The following RPS6KC1 variants were observed in gnomAD, a reference collection of about 807,000 sequenced individuals.
RPS6KC1 encodes the protein inactive ribosomal protein S6 kinase delta-1.
In RPS6KC1, 54 loss-of-function variants were observed where a neutral mutation model predicts 103.8. The observed-to-expected ratio is 0.52, with a 90% CI of 0.42 to 0.65. The LOEUF is 0.65. Ranked by LOEUF, RPS6KC1 falls within the 30% of genes least tolerant of loss-of-function variation. The probability of loss-of-function intolerance (pLI) is 0.00; values close to 1 mark genes in which losing one functional copy is unlikely to be tolerated. For missense variants in RPS6KC1, 1,151 were observed against 1,253.8 expected (o/e 0.92, Z 1.24); for synonymous variants, 439 against 438.7 (o/e 1.00, Z -0.01).
chr1:213,744,572 T>C, the RPS6KC1 span, among the ~76,000 whole-genome samples: 1 of 152,218 alleles, frequency 6.6e-6, no homozygotes, highest in African/African-American at 2.4e-5. Context: ...TTGTTATTCC[T>C]TAGTTTCTTT....
At chr1:213,338,105 C>G in the RPS6KC1 span, among the ~76,000 whole-genome samples, 1 of 152,146 alleles carries the variant, frequency 6.6e-6, no homozygotes. Context: ...TTCCTAAGTT[C>G]TTGGGAAATG....
chr1:213,330,653 C>A, the RPS6KC1 span, among the ~76,000 whole-genome samples: 2 of 152,104 alleles, frequency 1.3e-5, no homozygotes, highest in African/African-American at 4.8e-5. Flanking sequence ...AGAAAACCAC[C>A]CTGCGCCCCT....
At chr1:213,678,241 C>A in the RPS6KC1 span, among the ~76,000 whole-genome samples, 6 of 152,156 alleles carry the variant, frequency 3.9e-5, no homozygotes, top group Non-Finnish European at 7.4e-5. Flanking sequence ...GAAACCCTTG[C>A]AAAATAACTT....
At chr1:213,284,306 G>T in the RPS6KC1 span, among the ~76,000 whole-genome samples, 1 of 152,244 alleles carries the variant, frequency 6.6e-6, no homozygotes, top group Non-Finnish European at 1.5e-5. Flanking sequence ...TGCTTTGGCC[G>T]GGAGTTTGAG....
the RPS6KC1 span, among the ~76,000 whole-genome samples, chr1:213,512,174 GA>G: frequency 6.6e-6 from 1 of 152,206 alleles, no homozygotes; most frequent in African/African-American, 2.4e-5. Context: ...GATTTTTGAA[GA>G]GTCTGTCTTA....
the RPS6KC1 span, among the ~76,000 whole-genome samples, chr1:213,686,074 T>C: frequency 6.6e-6 from 1 of 151,946 alleles, no homozygotes; most frequent in Non-Finnish European, 1.5e-5. Flanking sequence ...GACTAGGGAG[T>C]GTCTACCATC....
At chr1:213,111,922 A>G (rs944258765) in intron 4 of RPS6KC1, among the ~76,000 whole-genome samples, 1 of 152,242 alleles carries the variant, frequency 6.6e-6, no homozygotes, top group African/African-American at 2.4e-5. Context: ...TAATCTGAAT[A>G]TTGTAATAAA....
At chr1:213,728,937 GTTTTTTTTTTGTTTT>G in the RPS6KC1 span, among the ~76,000 whole-genome samples, 30 of 93,436 alleles carry the variant, frequency 3.2e-4, no homozygotes, top group Middle Eastern at 0.011. Context: ...GAACATGAGG[GTTTTTTTTTTGTTTT>G]TTTTTTTTTT....
chr1:213,293,716 C>A, the RPS6KC1 span, among the ~76,000 whole-genome samples: 1 of 152,096 alleles, frequency 6.6e-6, no homozygotes, highest in Non-Finnish European at 1.5e-5. Flanking sequence ...CCAGGTGACT[C>A]AAGTCTTCAT....
chr1:213,418,882 C>G, the RPS6KC1 span, among the ~76,000 whole-genome samples: 1 of 152,222 alleles, frequency 6.6e-6, no homozygotes, highest in African/African-American at 2.4e-5. Context: ...CAGCTCCCCC[C>G]AGCTGCAGGT....
At chr1:213,267,795 GA>G (rs1263044453) in intron 14 of RPS6KC1, among the ~76,000 whole-genome samples, 3 of 151,268 alleles carry the variant, frequency 2.0e-5, no homozygotes, top group East Asian at 1.9e-4. Context: ...AAATTCACTA[GA>G]AAAAAAATGA....
At chr1:213,819,220 C>T in the RPS6KC1 span, 1 of 152,250 alleles carries the variant, frequency 6.6e-6, no homozygotes, top group African/African-American at 2.4e-5. Context: ...CCAGTTTCTC[C>T]CACTGCTCCT....
chr1:213,394,757 G>A, the RPS6KC1 span, among the ~76,000 whole-genome samples: 1 of 152,162 alleles, frequency 6.6e-6, no homozygotes, highest in Non-Finnish European at 1.5e-5. Context: ...TCTCCTCTGT[G>A]GATATGCTCT....
the RPS6KC1 span, among the ~76,000 whole-genome samples, chr1:213,341,404 T>C: frequency 6.6e-6 from 1 of 152,154 alleles, no homozygotes; most frequent in Admixed American, 6.5e-5. Context: ...AGGCAACAGG[T>C]AGTTAATGAA....
chr1:213,834,724 A>G, the RPS6KC1 span, among the ~76,000 whole-genome samples: 1 of 152,048 alleles, frequency 6.6e-6, no homozygotes, highest in Non-Finnish European at 1.5e-5. Flanking sequence ...ACACACACAC[A>G]CACACCCCAA....
chr1:213,231,512 GTTGCTTTTTCTT>G (rs1235170043), intron 9 of RPS6KC1, among the ~76,000 whole-genome samples: 1 of 152,038 alleles, frequency 6.6e-6, no homozygotes, highest in Non-Finnish European at 1.5e-5. Flanking sequence ...TTCTTTTTCT[GTTGCTTTTTCTT>G]TTGCTGATAA....
chr1:213,205,289 C>T (rs1415732691), intron 8 of RPS6KC1: 9 of 984,568 alleles, frequency 9.1e-6, no homozygotes, highest in Non-Finnish European at 1.1e-5. Context: ...ACAATTGTTA[C>T]ATATTGGGAT....
At chr1:213,806,956 C>A in the RPS6KC1 span, among the ~76,000 whole-genome samples, 1 of 146,808 alleles carries the variant, frequency 6.8e-6, no homozygotes, top group Non-Finnish European at 1.5e-5. Flanking sequence ...CCTTCAGGAG[C>A]TCTTTTAGGG....
intron 8 of RPS6KC1, among the ~76,000 whole-genome samples, chr1:213,182,808 A>G (rs918382200): frequency 6.7e-6 from 1 of 148,466 alleles, no homozygotes; most frequent in African/African-American, 2.5e-5. Flanking sequence ...TTTATATATC[A>G]CATGTTTGAA....
Sources: gnomAD v4.1 joint callset for allele counts (sites outside exome capture counted in the v4.1 genomes callset) on GRCh38, gnomAD v4.1.1 for gene constraint, MANE v1.5 for transcripts, NCBI Gene and HGNC (gene_info 2026-07-23, HGNC 2026-07-21) for gene names.